The following LRRC28 variants were observed in gnomAD, a reference collection of about 807,000 sequenced individuals.
LRRC28 encodes the protein leucine-rich repeat-containing protein 28.
LRRC28 carries 39 observed loss-of-function variants against 45.7 expected under a neutral mutation model. That is an observed-to-expected ratio of 0.85 (90% CI 0.66 to 1.12). The LOEUF (loss-of-function observed/expected upper bound fraction) is 1.12, where lower values mean the gene tolerates loss of function less well. Ranked by LOEUF, LRRC28 falls within the 50% of genes most tolerant of loss-of-function variation. The pLI, the probability that LRRC28 is intolerant of heterozygous loss-of-function variation, is 0.00. For synonymous variants in LRRC28, 206 were observed against 178.8 expected, an observed-to-expected ratio of 1.15 and a Z score of -1.22; for missense variants, 435 against 438.5, an observed-to-expected ratio of 0.99 and a Z score of 0.07.
At chr15:99,315,268 A>C (rs144025996) in intron 5 of LRRC28, among the ~76,000 whole-genome samples, 331 of 151,850 alleles carry the variant, frequency 2.2e-3, no homozygotes, top group African/African-American at 7.4e-3. Context: ...AGGTAACAGG[A>C]AAGTAAATTC....
intron 2 of LRRC28, chr15:99,259,741 A>C: frequency 7.1e-7 from 1 of 1,413,614 alleles, no homozygotes. Flanking sequence ...ATGATAAAAC[A>C]GTTTTGGATC....
chr15:99,310,906 C>T (rs1341987537), intron 5 of LRRC28, among the ~76,000 whole-genome samples: 2 of 152,106 alleles, frequency 1.3e-5, no homozygotes, highest in Non-Finnish European at 2.9e-5. Context: ...ATCACTGTTA[C>T]CCACAGAGGT....
chr15:99,290,992 G>A (rs1882650355), intron 5 of LRRC28, among the ~76,000 whole-genome samples: 1 of 152,038 alleles, frequency 6.6e-6, no homozygotes, highest in South Asian at 2.1e-4. Flanking sequence ...AAACAATTCT[G>A]TGATAAACCA....
chr15:99,258,368 G>A, intron 2 of LRRC28: 1 of 1,217,014 alleles, frequency 8.2e-7, no homozygotes, highest in Non-Finnish European at 1.2e-6. Flanking sequence ...CATTACCCTT[G>A]TCTTAAAAGA....
At chr15:99,339,559 C>A (rs942354616) in intron 6 of LRRC28, among the ~76,000 whole-genome samples, 1 of 152,046 alleles carries the variant, frequency 6.6e-6, no homozygotes, top group South Asian at 2.1e-4. Flanking sequence ...GGTGAAACCC[C>A]GTCTCTACTA....
At chr15:99,310,544 G>T (rs1955366806) in intron 5 of LRRC28, among the ~76,000 whole-genome samples, 1 of 152,196 alleles carries the variant, frequency 6.6e-6, no homozygotes, top group African/African-American at 2.4e-5. Flanking sequence ...AATTGGAAGG[G>T]TGTAACCCTC....
intron 3 of LRRC28, 152 bp from the exon 4 acceptor site, chr15:99,287,105 A>G (rs1023128033): frequency 1.9e-6 from 1 of 538,074 alleles, no homozygotes; most frequent in Non-Finnish European, 3.3e-6. Flanking sequence ...GTTAGCTGTG[A>G]TAACCATTAT....
At chr15:99,280,525 C>G (rs765542457) in intron 3 of LRRC28, among the ~76,000 whole-genome samples, 1 of 151,224 alleles carries the variant, frequency 6.6e-6, no homozygotes, top group African/African-American at 2.4e-5. Context: ...TCAGCACGTT[C>G]ATGATATTCA....
At chr15:99,354,250 C>G (rs1325816208) in intron 7 of LRRC28, among the ~76,000 whole-genome samples, 5 of 152,176 alleles carry the variant, frequency 3.3e-5, no homozygotes, top group Non-Finnish European at 7.3e-5. Context: ...AGTCATTTGA[C>G]CTATTTTGCA....
chr15:99,253,095 C>T (rs1363406677), intron 1 of LRRC28, among the ~76,000 whole-genome samples: 1 of 150,876 alleles, frequency 6.6e-6, no homozygotes, highest in Non-Finnish European at 1.5e-5. Context: ...TGAAAGAACA[C>T]CAGGGGAATT....
At chr15:99,258,918 G>T (rs2081109236) in intron 2 of LRRC28, 2 of 723,902 alleles carry the variant, frequency 2.8e-6, no homozygotes, top group South Asian at 2.7e-5. Flanking sequence ...TTTGTCAAGG[G>T]TGTGGTGGAC....
At chr15:99,380,652 G>A (rs895910359) in intron 9 of LRRC28, among the ~76,000 whole-genome samples, 1 of 152,226 alleles carries the variant, frequency 6.6e-6, no homozygotes, top group Non-Finnish European at 1.5e-5. Context: ...AATTTGCCAT[G>A]TTTCTGCAGT....
At chr15:99,297,350 T>TC (rs2082291876) in intron 5 of LRRC28, 1 of 151,786 alleles carries the variant, frequency 6.6e-6, no homozygotes, top group Non-Finnish European at 1.5e-5. Context: ...TGGGCTCAAG[T>TC]CATCCTCCTG....
intron 9 of LRRC28, among the ~76,000 whole-genome samples, chr15:99,369,203 CTT>C (rs937323652): frequency 6.6e-6 from 1 of 152,100 alleles, no homozygotes; most frequent in South Asian, 2.1e-4. Flanking sequence ...TCCTGCCTTT[CTT>C]TTGTGAGCCC....
intron 9 of LRRC28, among the ~76,000 whole-genome samples, chr15:99,363,601 A>G (rs1322843363): frequency 6.6e-6 from 1 of 152,220 alleles, no homozygotes; most frequent in Non-Finnish European, 1.5e-5. Flanking sequence ...ACATAACGGG[A>G]TGAGCCCAGC....
At chr15:99,277,334 A>G (rs1366298620) in intron 3 of LRRC28, among the ~76,000 whole-genome samples, 1 of 152,066 alleles carries the variant, frequency 6.6e-6, no homozygotes, top group Admixed American at 6.5e-5. Context: ...AAAATTTCAA[A>G]CTAATAAGAA....
intron 5 of LRRC28, among the ~76,000 whole-genome samples, chr15:99,299,791 A>G (rs1300378947): frequency 3.9e-5 from 6 of 152,232 alleles, no homozygotes; most frequent in Admixed American, 3.9e-4. Context: ...TTAAAAATTG[A>G]CATTTTAAGC....
At chr15:99,385,745 TG>T (rs66964237) in intron 9 of LRRC28, among the ~76,000 whole-genome samples, 5,014 of 145,484 alleles carry the variant, frequency 0.034, 105 homozygotes, top group East Asian at 0.062. Context: ...AAAAGGCATT[TG>T]TTTTTTTTTT....
At chr15:99,344,057 CCTGGTTCTCTTCATCATCCTG>C (rs1391419032) in intron 6 of LRRC28, among the ~76,000 whole-genome samples, 1 of 152,128 alleles carries the variant, frequency 6.6e-6, no homozygotes, top group Non-Finnish European at 1.5e-5. Context: ...AGCAGAGCTG[CCTGGTTCTCTTCATCATCCTG>C]CTGGTTCTCT....
Sources: allele counts gnomAD v4.1 joint callset (sites outside exome capture counted in the v4.1 genomes callset), GRCh38; gene constraint gnomAD v4.1.1; transcripts MANE v1.5; gene names NCBI Gene and HGNC (gene_info 2026-07-23, HGNC 2026-07-21).